TNFRSF11B: variants seen among roughly 807,000 people sequenced by gnomAD.
The protein encoded by TNFRSF11B is TNF receptor superfamily member 11b.
Under a neutral mutation model 43.4 loss-of-function variants are expected in TNFRSF11B, and 16 were observed. The ratio of observed to expected loss-of-function variants is 0.37; its 90% CI spans 0.25 to 0.56. The LOEUF (loss-of-function observed/expected upper bound fraction) is 0.56, where lower values mean the gene tolerates loss of function less well. TNFRSF11B is among the 20% of genes least tolerant of loss of function. The pLI is 0.80. For missense variants in TNFRSF11B, 444 were observed against 490.1 expected, an observed-to-expected ratio of 0.91 and a Z score of 0.89; for synonymous variants, 185 against 181.8, an observed-to-expected ratio of 1.02 and a Z score of -0.14.
intron 3 of TNFRSF11B, among the ~76,000 whole-genome samples, chr8:118,927,438 A>G (rs1439378192): frequency 1.3e-5 from 2 of 152,180 alleles, no homozygotes; most frequent in Non-Finnish European, 2.9e-5. Context: ...TAAAGCCTCT[A>G]TAGCACAGTA....
At chr8:118,937,561 A>G (rs559693258) in intron 1 of TNFRSF11B, among the ~76,000 whole-genome samples, 36 of 152,370 alleles carry the variant, frequency 2.4e-4, no homozygotes, top group East Asian at 2.1e-3. Flanking sequence ...TATAATTAGG[A>G]AATTCAATTA....
chr8:118,929,231 G>A (rs529489162), intron 2 of TNFRSF11B, among the ~76,000 whole-genome samples: 23 of 152,330 alleles, frequency 1.5e-4, no homozygotes, highest in Non-Finnish European at 2.5e-4. Context: ...TCCAGCCTCC[G>A]CTGAGTGGCA....
At chr8:118,928,080 G>A (rs1395772202) in intron 3 of TNFRSF11B, among the ~76,000 whole-genome samples, 1 of 151,952 alleles carries the variant, frequency 6.6e-6, no homozygotes, top group Non-Finnish European at 1.5e-5. Context: ...CTGGAGTGCA[G>A]TGGTACAATC....
intron 1 of TNFRSF11B, among the ~76,000 whole-genome samples, chr8:118,939,262 T>A (rs1000110214): frequency 6.6e-6 from 1 of 152,214 alleles, no homozygotes; most frequent in Non-Finnish European, 1.5e-5. Flanking sequence ...CCTCCATTCC[T>A]CAAATAATTC....
At chr8:118,937,771 TTCAA>T (rs1297022941) in intron 1 of TNFRSF11B, among the ~76,000 whole-genome samples, 3 of 152,176 alleles carry the variant, frequency 2.0e-5, no homozygotes, top group African/African-American at 7.2e-5. Context: ...ATCAATTAGT[TTCAA>T]TCAATTAGTT....
chr8:118,929,710 AAAAT>A (rs1472264571), intron 2 of TNFRSF11B, among the ~76,000 whole-genome samples: 2 of 152,244 alleles, frequency 1.3e-5, no homozygotes, highest in Non-Finnish European at 1.5e-5. Flanking sequence ...GACGCTATTA[AAAAT>A]AAATACCTTC....
intron 1 of TNFRSF11B, among the ~76,000 whole-genome samples, chr8:118,941,648 C>T (rs1812487557): frequency 6.6e-6 from 1 of 151,990 alleles, no homozygotes; most frequent in Admixed American, 6.6e-5. Context: ...GTTGAATTTG[C>T]TTATGATGTT....
In TNFRSF11B at chr8:118,951,873, C is replaced by G. The variant is rs745750966; in HGVS notation, c.-52G>C. ...TGGAGGCGGCGGCTGGGCGAGCGCT[C>G]CGGTGCGTCTCCGCAGCCCGTGCGC... is the stretch of plus-strand genomic sequence containing the variant. On this transcript the variant is annotated 5_prime_UTR_variant, in exon 1 of 5. Coordinates refer to ENST00000297350, the MANE Select transcript of TNFRSF11B (RefSeq NM_002546.4). The G allele has an allele frequency of 1.3e-5, 20 of 1,523,242 alleles. No homozygotes were observed. Among genetic ancestry groups the G allele is most frequent in the Non-Finnish European group, 1.7e-5 (19 of 1,118,380 alleles). 94.4% of individuals were successfully genotyped at this position (1,523,242 alleles called of 1,614,324 possible). A position where few individuals can be genotyped will look rare whatever the true frequency, so the allele number is the denominator to read the frequency against.
chr8:118,924,539 G>T lies in TNFRSF11B; in HGVS notation c.1041C>A (p.His347Gln), dbSNP rs766402871. The T allele has an allele frequency of 6.2e-7, 1 of 1,614,132 alleles. No individual in the cohort carries two copies. Among genetic ancestry groups the T allele is most frequent in the South Asian group, 1.1e-5 (1 of 91,074 alleles). The change falls in exon 5 of 5, where the codon CAC (histidine) becomes CAA (glutamine). Residue 347 changes from histidine (H) to glutamine (Q), a missense_variant. Transcript: ENST00000297350. Reference sequence around the variant, plus strand: ...GGTACGTCTTTGAGTGCTTTAGTGCGTGCATTAGGCCCTTCAAGGTGTCTT... The same window carrying T: ...GGTACGTCTTTGAGTGCTTTAGTGCTTGCATTAGGCCCTTCAAGGTGTCTT... ...GDQDTLKGLM[H>Q]ALKHSKTYHF...
At chr8:118,939,030 A>G (rs909379596) in intron 1 of TNFRSF11B, among the ~76,000 whole-genome samples, 1 of 152,160 alleles carries the variant, frequency 6.6e-6, no homozygotes, top group African/African-American at 2.4e-5. Context: ...ACAAAGAACT[A>G]TTTGAGGACT....
chr8:118,941,690 T>C (rs1040392737), intron 1 of TNFRSF11B, among the ~76,000 whole-genome samples: 3 of 145,744 alleles, frequency 2.1e-5, no homozygotes, highest in East Asian at 1.9e-4. Context: ...TTATAGACAA[T>C]TAATATTTGA....
chr8:118,926,464 G>A, intron 4 of TNFRSF11B, 30 bp downstream of exon 4: 1 of 1,575,582 alleles, frequency 6.3e-7, no homozygotes, highest in Non-Finnish European at 8.7e-7. Context: ...TTTGATTTCT[G>A]ATTGATCTTT....
chr8:118,941,819 A>G (rs1245359523), intron 1 of TNFRSF11B, among the ~76,000 whole-genome samples: 1 of 152,212 alleles, frequency 6.6e-6, no homozygotes, highest in Admixed American at 6.5e-5. Context: ...CGGAAATTGC[A>G]CATATTTTGG....
intron 1 of TNFRSF11B, among the ~76,000 whole-genome samples, chr8:118,947,586 T>C (rs1364703457): frequency 6.6e-6 from 1 of 152,166 alleles, no homozygotes; most frequent in Admixed American, 6.5e-5. Flanking sequence ...TATTGACCAC[T>C]GATATAAGAA....
chr8:118,926,191 G>A (rs986083357), intron 4 of TNFRSF11B, among the ~76,000 whole-genome samples: 6 of 151,934 alleles, frequency 3.9e-5, no homozygotes, highest in South Asian at 4.2e-4. Flanking sequence ...TTACAGAAGC[G>A]TTAAGGGATC....
chr8:118,925,805 A>G (rs1379565827), intron 4 of TNFRSF11B, among the ~76,000 whole-genome samples: 2 of 152,178 alleles, frequency 1.3e-5, no homozygotes, highest in Non-Finnish European at 2.9e-5. Flanking sequence ...TACAGTCCAC[A>G]CTGGATGAAA....
At chr8:118,948,201 C>T (rs541707400) in intron 1 of TNFRSF11B, among the ~76,000 whole-genome samples, 18 of 152,144 alleles carry the variant, frequency 1.2e-4, no homozygotes, top group Non-Finnish European at 1.9e-4. Context: ...TAAGGAGCAG[C>T]TAGACATCAT....
At chr8:118,931,943 G>T (rs967610437) in intron 2 of TNFRSF11B, among the ~76,000 whole-genome samples, 2 of 152,156 alleles carry the variant, frequency 1.3e-5, no homozygotes, top group Non-Finnish European at 2.9e-5. Flanking sequence ...GGGAAGGACT[G>T]CTATTGGTAT....
At chr8:118,937,144 C>T (rs1812416527) in intron 1 of TNFRSF11B, among the ~76,000 whole-genome samples, 1 of 152,172 alleles carries the variant, frequency 6.6e-6, no homozygotes, top group Non-Finnish European at 1.5e-5. Flanking sequence ...TAAGCATAAG[C>T]ATCTTTTCTC....
Sources: gnomAD v4.1 joint callset for allele counts (sites outside exome capture counted in the v4.1 genomes callset) on GRCh38, gnomAD v4.1.1 for gene constraint, MANE v1.5 for transcripts, NCBI Gene and HGNC (gene_info 2026-07-23, HGNC 2026-07-21) for gene names.